PHC3: variants seen among roughly 807,000 people sequenced by gnomAD.
The protein encoded by PHC3 is polyhomeotic-like protein 3.
PHC3 carries 13 observed loss-of-function variants against 107.4 expected under a neutral mutation model. That is an observed-to-expected ratio of 0.12 (90% CI 0.08 to 0.19). PHC3 has a LOEUF of 0.19. Ranked by LOEUF, PHC3 falls within the 10% of genes least tolerant of loss-of-function variation. The pLI, the probability that PHC3 is intolerant of heterozygous loss-of-function variation, is 1.00. For missense variants in PHC3, 992 were observed against 1,210.9 expected (o/e 0.82, Z 2.68); for synonymous variants, 456 against 427.4 (o/e 1.07, Z -0.83).
chr3:170,144,576 C>T (rs1724653312), intron 6 of PHC3, among the ~76,000 whole-genome samples: 1 of 152,146 alleles, frequency 6.6e-6, no homozygotes, highest in South Asian at 2.1e-4. Context: ...CAACATGTGG[C>T]TGTACCATTT....
At chr3:170,134,389 C>A (rs561645436) in intron 7 of PHC3, among the ~76,000 whole-genome samples, 2 of 151,978 alleles carry the variant, frequency 1.3e-5, no homozygotes, top group Admixed American at 1.3e-4. Context: ...GGGGTTTCAC[C>A]ATGTTGGTCA....
At chr3:170,179,960 T>A (rs1000648356) in intron 1 of PHC3, among the ~76,000 whole-genome samples, 1 of 152,044 alleles carries the variant, frequency 6.6e-6, no homozygotes, top group Non-Finnish European at 1.5e-5. Context: ...CACCCCACAT[T>A]AGCAGCACTG....
rs182201371 is a variant in PHC3 at position 170,118,374 on chromosome 3, T to C, written c.1943-898A>G. 6.8e-4 allele frequency among the ~76,000 whole-genome samples: 104 copies of C among 152,228 alleles called. 1 individual carries two copies. The highest frequency in any genetic ancestry group is 2.4e-3 in the African/African-American group (99 of 41,554). ...GATTCTCCCACCTCAGCCTCTTGAG[T>C]AGGTGGGACCACAGGTGTGTGCCAC... On this transcript the variant is annotated intron_variant, in intron 9 of 14. Transcript: ENST00000495893.
intron 6 of PHC3, among the ~76,000 whole-genome samples, chr3:170,137,770 G>A (rs1032592699): frequency 1.3e-5 from 2 of 151,698 alleles, no homozygotes; most frequent in African/African-American, 4.8e-5. Context: ...GTGGTGGCAC[G>A]CACCTGTAGC....
intron 2 of PHC3, among the ~76,000 whole-genome samples, chr3:170,175,191 T>C (rs747519208): frequency 7.2e-5 from 11 of 152,188 alleles, no homozygotes; most frequent in Non-Finnish European, 1.3e-4. Context: ...GTTCAATAAA[T>C]ATTGATTTGA....
chr3:170,142,703 TTC>T (rs1251430243), intron 6 of PHC3, among the ~76,000 whole-genome samples: 1 of 152,222 alleles, frequency 6.6e-6, no homozygotes, highest in African/African-American at 2.4e-5. Flanking sequence ...TGTGTCTTTT[TTC>T]TTACATGGTT....
intron 6 of PHC3, among the ~76,000 whole-genome samples, chr3:170,143,109 T>G (rs1199657002): frequency 6.6e-6 from 1 of 151,028 alleles, no homozygotes; most frequent in Non-Finnish European, 1.5e-5. Context: ...CCCAGGGAGG[T>G]CAAGGCTACA....
chr3:170,172,529 A>G, intron 3 of PHC3, 28 bp downstream of exon 3: 1 of 1,599,128 alleles, frequency 6.3e-7, no homozygotes, highest in Non-Finnish European at 8.5e-7. Flanking sequence ...AGAAACTTTG[A>G]TCTCATAAAC....
intron 12 of PHC3, among the ~76,000 whole-genome samples, chr3:170,103,359 A>T (rs951524396): frequency 6.6e-5 from 10 of 152,246 alleles, no homozygotes; most frequent in Non-Finnish European, 1.0e-4. Context: ...ATTAATTTTT[A>T]AAAGTTTAAT....
chr3:170,110,159 G>A lies in PHC3; in HGVS notation c.2353+3201C>T, dbSNP rs1395234018. Among the ~76,000 whole-genome samples the A allele has an allele frequency of 2.0e-5, 3 of 151,880 alleles. No individual in the cohort carries two copies. In the East Asian group the frequency reaches 5.8e-4, roughly 29 times the overall value. Reference sequence around the variant, plus strand: ...CCATGACTACAGGTGTCAATTACATGCAAAATTTATACATACATCCTACAG... The same window carrying A: ...CCATGACTACAGGTGTCAATTACATACAAAATTTATACATACATCCTACAG... On this transcript the variant is annotated intron_variant, in intron 11 of 14. Transcript: ENST00000495893.
At chr3:170,149,713 C>T (rs1480153781) in intron 4 of PHC3, 1 of 152,628 alleles carries the variant, frequency 6.6e-6, no homozygotes, top group Non-Finnish European at 1.5e-5. Flanking sequence ...ACCTCGGCCT[C>T]CCAAAGTGCT....
intron 2 of PHC3, among the ~76,000 whole-genome samples, chr3:170,173,052 C>G (rs1286428380): frequency 1.3e-5 from 2 of 151,856 alleles, no homozygotes; most frequent in Non-Finnish European, 2.9e-5. Flanking sequence ...ATTAGCCAGG[C>G]ATGGTGGCAC....
At chr3:170,106,772 T>C (rs1716605344) in intron 12 of PHC3, 60 bp downstream of exon 12, 3 of 1,160,626 alleles carry the variant, frequency 2.6e-6, no homozygotes, top group African/African-American at 3.1e-5. Context: ...CAAGGGTTTT[T>C]TGGTTTAGTT....
chr3:170,160,970 C>A (rs1328124206), intron 4 of PHC3, among the ~76,000 whole-genome samples: 1 of 152,128 alleles, frequency 6.6e-6, no homozygotes, highest in African/African-American at 2.4e-5. Flanking sequence ...ATCTAGCAGG[C>A]TTTCTGCTTT....
intron 8 of PHC3, among the ~76,000 whole-genome samples, chr3:170,127,204 A>G (rs1418931163): frequency 6.6e-6 from 1 of 152,086 alleles, no homozygotes; most frequent in Non-Finnish European, 1.5e-5. Flanking sequence ...TTTTGAGACA[A>G]AGTCTCGCTC....
chr3:170,132,625 G>A (rs1722444849), intron 7 of PHC3, among the ~76,000 whole-genome samples: 1 of 152,216 alleles, frequency 6.6e-6, no homozygotes, highest in Non-Finnish European at 1.5e-5. Context: ...GCCAGGAAGT[G>A]AGCCTTCACC....
At chr3:170,158,473 G>T (rs1180935320) in intron 4 of PHC3, among the ~76,000 whole-genome samples, 1 of 151,980 alleles carries the variant, frequency 6.6e-6, no homozygotes, top group Non-Finnish European at 1.5e-5. Flanking sequence ...ATAGTGGCAG[G>T]CACCTGTAAT....
intron 4 of PHC3, among the ~76,000 whole-genome samples, chr3:170,157,601 A>T (rs576833120): frequency 6.6e-6 from 1 of 152,316 alleles, no homozygotes; most frequent in East Asian, 1.9e-4. Flanking sequence ...AAGCCTAAAA[A>T]AATTCCCTGA....
intron 12 of PHC3, among the ~76,000 whole-genome samples, chr3:170,105,985 G>A (rs1445888646): frequency 6.6e-6 from 1 of 152,194 alleles, no homozygotes; most frequent in East Asian, 1.9e-4. Context: ...GCCAAGGCGG[G>A]CAGATCACCT....
Sources: allele counts gnomAD v4.1 joint callset (sites outside exome capture counted in the v4.1 genomes callset), GRCh38; gene constraint gnomAD v4.1.1; transcripts MANE v1.5; gene names NCBI Gene and HGNC (gene_info 2026-07-23, HGNC 2026-07-21).